The following FMN1 variants were observed in gnomAD, a reference collection of about 807,000 sequenced individuals.
FMN1 encodes formin-1.
In FMN1, 110 loss-of-function variants were observed where a neutral mutation model predicts 132.4. That is an observed-to-expected ratio of 0.83 (90% CI 0.71 to 0.97). The LOEUF (loss-of-function observed/expected upper bound fraction) is 0.97. Ranked by LOEUF, FMN1 falls within the 50% of genes least tolerant of loss-of-function variation. The pLI is 0.00. For synonymous variants in FMN1, 722 were observed against 651.7 expected (o/e 1.11, Z -1.64); for missense variants, 1,792 against 1,705.3 (o/e 1.05, Z -0.90).
intron 6 of FMN1, among the ~76,000 whole-genome samples, chr15:33,054,397 A>C (rs2037121397): frequency 6.6e-6 from 1 of 152,180 alleles, no homozygotes; most frequent in East Asian, 1.9e-4. Context: ...TATATTTATT[A>C]AGTCCTCAAC....
intron 9 of FMN1, among the ~76,000 whole-genome samples, chr15:32,947,332 A>G (rs2061531884): frequency 6.6e-6 from 1 of 152,080 alleles, no homozygotes; most frequent in African/African-American, 2.4e-5. Flanking sequence ...ATATATGCAT[A>G]GATTTGCTTC....
intron 8 of FMN1, among the ~76,000 whole-genome samples, chr15:32,967,459 T>C (rs1469911916): frequency 6.6e-6 from 1 of 152,220 alleles, no homozygotes; most frequent in Non-Finnish European, 1.5e-5. Context: ...TACGGAAACA[T>C]GACTCAAAAT....
At chr15:33,150,009 C>G (rs1404503459) in intron 4 of FMN1, 9 of 985,348 alleles carry the variant, frequency 9.1e-6, no homozygotes, top group Non-Finnish European at 1.1e-5. Flanking sequence ...AAGAGATTCT[C>G]AGTTCTCAAT....
chr15:33,063,129 T>C (rs544263426), intron 6 of FMN1: 1 of 152,384 alleles, frequency 6.6e-6, no homozygotes, highest in East Asian at 1.9e-4. Context: ...GTGCAGGGGA[T>C]CTTCTACGTG....
intron 15 of FMN1, among the ~76,000 whole-genome samples, chr15:32,891,876 G>A (rs1051714793): frequency 6.6e-6 from 1 of 152,128 alleles, no homozygotes; most frequent in Non-Finnish European, 1.5e-5. Flanking sequence ...TCGGTGTACA[G>A]AAGAGCTACT....
intron 2 of FMN1, among the ~76,000 whole-genome samples, chr15:33,190,158 C>G (rs2140360406): frequency 6.6e-6 from 1 of 152,288 alleles, no homozygotes; most frequent in Non-Finnish European, 1.5e-5. Flanking sequence ...AATACTTTCT[C>G]CATTCTGGCT....
intron 6 of FMN1, among the ~76,000 whole-genome samples, chr15:33,054,293 T>C (rs1252069862): frequency 6.6e-6 from 1 of 152,238 alleles, no homozygotes; most frequent in Non-Finnish European, 1.5e-5. Context: ...TATACATTTC[T>C]GCTTACACTC....
chr15:32,999,826 C>T (rs2033990577), intron 7 of FMN1, among the ~76,000 whole-genome samples: 1 of 152,170 alleles, frequency 6.6e-6, no homozygotes, highest in East Asian at 1.9e-4. Context: ...TCTTAAGCTA[C>T]CAGCTCCTCA....
chr15:32,992,947 T>C (rs2033529594), intron 7 of FMN1, among the ~76,000 whole-genome samples: 1 of 152,338 alleles, frequency 6.6e-6, no homozygotes, highest in East Asian at 1.9e-4. Context: ...TTTCATGGAT[T>C]GCCTGAAAGA....
intron 3 of FMN1, among the ~76,000 whole-genome samples, chr15:33,163,071 G>A (rs1254954180): frequency 4.6e-5 from 7 of 152,200 alleles, no homozygotes; most frequent in South Asian, 2.1e-4. Flanking sequence ...GCAGTGAGCC[G>A]AGATCACGCC....
At chr15:33,023,236 G>C (rs1434069562) in intron 6 of FMN1, among the ~76,000 whole-genome samples, 1 of 141,956 alleles carries the variant, frequency 7.0e-6, no homozygotes, top group African/African-American at 2.6e-5. Flanking sequence ...AAACAAATAA[G>C]GGTAAAGGGG....
At chr15:33,051,854 A>G (rs2036990197) in intron 6 of FMN1, among the ~76,000 whole-genome samples, 1 of 152,178 alleles carries the variant, frequency 6.6e-6, no homozygotes, top group South Asian at 2.1e-4. Flanking sequence ...ACCAACATAT[A>G]AAACCCCAAG....
At chr15:33,011,055 T>G (rs1430338583) in intron 6 of FMN1, among the ~76,000 whole-genome samples, 1 of 152,140 alleles carries the variant, frequency 6.6e-6, no homozygotes, top group Non-Finnish European at 1.5e-5. Context: ...CTAAAATGCA[T>G]GTGGAAGCAT....
intron 18 of FMN1, among the ~76,000 whole-genome samples, chr15:32,802,998 C>T (rs74011832): frequency 0.029 from 4,464 of 152,262 alleles, 214 homozygotes; most frequent in African/African-American, 0.1. Flanking sequence ...ACCTTGCTTT[C>T]ACCAGCATTT....
chr15:32,965,997 T>C (rs987026789), intron 8 of FMN1, among the ~76,000 whole-genome samples: 5 of 151,932 alleles, frequency 3.3e-5, no homozygotes, highest in African/African-American at 1.2e-4. Context: ...GGGGGAGAAG[T>C]AGGATCTTGA....
intron 8 of FMN1, among the ~76,000 whole-genome samples, 186 bp from the exon 9 acceptor site, chr15:32,964,443 T>C (rs903551792): frequency 2.0e-5 from 3 of 152,180 alleles, no homozygotes; most frequent in South Asian, 2.1e-4. Flanking sequence ...CTATAGAACA[T>C]TAAAACACAC....
rs1243597542 is a variant in FMN1 at position 32,766,648 on chromosome 15, G to A, written c.*7662C>T. 2.0e-5 allele frequency: 3 copies of A among 151,050 alleles called. No individual in the cohort carries two copies. The highest frequency in any genetic ancestry group is 6.7e-5 in the Admixed American group (1 of 15,006). The allele number at this position is 151,050 out of a possible 1,614,324, so 9.4% of individuals were successfully genotyped here. A position where few individuals can be genotyped will look rare whatever the true frequency, so the allele number is the denominator to read the frequency against. ...TGAGGTGATGCTGACATTAACAAGA[G>A]GCAGTCACAGCAGTGTGTCTCACAT... On this transcript the variant is annotated 3_prime_UTR_variant, in exon 21 of 21. Coordinates refer to ENST00000616417, the MANE Select transcript of FMN1 (RefSeq NM_001277313.2).
intron 3 of FMN1, among the ~76,000 whole-genome samples, chr15:33,174,106 CT>C (rs1965428909): frequency 6.6e-6 from 1 of 151,456 alleles, no homozygotes; most frequent in Non-Finnish European, 1.5e-5. Context: ...GGTTATTAAG[CT>C]TATAGAGGAT....
Position 32,777,844 on chromosome 15 carries a change from CATTA to C in FMN1, c.4131-929_4131-926del, listed in dbSNP as rs1262622790. ...TATATATTATGTATAATATATAATA[CATTA>C]ATTATATATTATGTATAATATATAA... On this transcript the variant is annotated intron_variant, in intron 19 of 20. Coordinates refer to ENST00000616417, the MANE Select transcript of FMN1 (RefSeq NM_001277313.2). 4.7e-5 allele frequency among the ~76,000 whole-genome samples: 4 copies of C among 85,166 alleles called. 1 individual carries two copies. Among genetic ancestry groups the C allele is most frequent in the African/African-American group, 2.2e-4 (4 of 18,452 alleles). 55.9% of individuals were successfully genotyped at this position (85,166 alleles called of 152,430 possible).
Sources: allele counts gnomAD v4.1 joint callset (sites outside exome capture counted in the v4.1 genomes callset), GRCh38; gene constraint gnomAD v4.1.1; transcripts MANE v1.5; gene names NCBI Gene and HGNC (gene_info 2026-07-23, HGNC 2026-07-21).